Variants in TMEM150C observed in about 807,000 individuals in gnomAD.
The protein encoded by TMEM150C is transmembrane protein 150C, also known as tentonin 3.
In TMEM150C, 10 loss-of-function variants were observed where a neutral mutation model predicts 29.9. The observed-to-expected ratio is 0.33, with a 90% CI of 0.21 to 0.57. The LOEUF is 0.57. Among genes scored for constraint, TMEM150C ranks in the 20% least tolerant of loss-of-function variants. The pLI is 0.88. For missense variants in TMEM150C, 251 were observed against 303.6 expected, an observed-to-expected ratio of 0.83 and a Z score of 1.29; for synonymous variants, 101 against 112.5, an observed-to-expected ratio of 0.90 and a Z score of 0.64.
intron 6 of TMEM150C, chr4:82,491,493 T>C: frequency 1.5e-6 from 1 of 679,400 alleles, no homozygotes; most frequent in East Asian, 2.5e-5. Context: ...GAGGTCACTT[T>C]TGGGCTGGAT....
intron 1 of TMEM150C, among the ~76,000 whole-genome samples, chr4:82,558,774 A>C (rs886650334): frequency 6.6e-6 from 1 of 152,230 alleles, no homozygotes; most frequent in Non-Finnish European, 1.5e-5. Context: ...AGGAGTAAAA[A>C]TTTATAGTTA....
At chr4:82,492,487 T>C (rs1024326551) in intron 6 of TMEM150C, among the ~76,000 whole-genome samples, 1 of 152,084 alleles carries the variant, frequency 6.6e-6, no homozygotes, top group Non-Finnish European at 1.5e-5. Flanking sequence ...TAAGAAAAAC[T>C]GTCACCTATG....
At chr4:82,551,213 C>T (rs1241330266) in intron 1 of TMEM150C, among the ~76,000 whole-genome samples, 1 of 152,112 alleles carries the variant, frequency 6.6e-6, no homozygotes, top group African/African-American at 2.4e-5. Context: ...ACTTGTAGTT[C>T]TTAGAAAACA....
At chr4:82,519,495 G>A (rs906120706) in intron 1 of TMEM150C, among the ~76,000 whole-genome samples, 4 of 151,560 alleles carry the variant, frequency 2.6e-5, no homozygotes, top group Non-Finnish European at 5.9e-5. Flanking sequence ...CCAAGATCTC[G>A]GCTCACTGCA....
Position 82,504,306 on chromosome 4 carries a change from C to G in TMEM150C, c.80+272G>C, listed in dbSNP as rs539454553. Among the ~76,000 whole-genome samples the G allele has an allele frequency of 2.0e-5, 3 of 152,250 alleles. No homozygotes were observed. In the South Asian group the frequency reaches 6.2e-4, roughly 32 times the overall value. On this transcript the variant is annotated intron_variant, in intron 2 of 7. Transcript: ENST00000449862. Reference sequence around the variant, plus strand: ...GCAACCTCTGCCTCCAGGGTTCAAGCGATTCTTGTGCCTCAGCCCCCCGAG... The same window carrying G: ...GCAACCTCTGCCTCCAGGGTTCAAGGGATTCTTGTGCCTCAGCCCCCCGAG...
chr4:82,485,709 G>C lies in TMEM150C; in HGVS notation c.552C>G (p.Leu184=). The C allele has an allele frequency of 6.2e-7, 1 of 1,605,870 alleles. No homozygotes were observed. The highest frequency in any genetic ancestry group is 8.5e-7 in the Non-Finnish European group (1 of 1,176,540). The part of the protein sequence containing the change: ...ITLCVVLYFI[L]MAQSIHMYAA... ...CATACATGTGGATGCTTTGGGCCAT[G>C]AGGATGAAGTCTGGGGAGAAGCAGT... is the stretch of plus-strand genomic sequence containing the variant. Residue 184 remains leucine, a synonymous_variant, in exon 8 of 8, where the codon CTC becomes CTG. Coordinates refer to ENST00000449862, the MANE Select transcript of TMEM150C (RefSeq NM_001080506.3).
At chr4:82,534,213 T>A (rs1412744541) in intron 1 of TMEM150C, among the ~76,000 whole-genome samples, 1 of 152,210 alleles carries the variant, frequency 6.6e-6, no homozygotes, top group Non-Finnish European at 1.5e-5. Flanking sequence ...CTTCGGACAA[T>A]GTGAACAGCT....
chr4:82,491,935 TGTTTTTTTTTTTG>T (rs1283743350), intron 6 of TMEM150C, among the ~76,000 whole-genome samples: 1 of 139,492 alleles, frequency 7.2e-6, no homozygotes, highest in Non-Finnish European at 1.5e-5. Flanking sequence ...GACTAATTCT[TGTTTTTTTTTTTG>T]GTTTTTTTTT....
chr4:82,525,752 A>C (rs1238775590), intron 1 of TMEM150C, among the ~76,000 whole-genome samples: 2 of 152,164 alleles, frequency 1.3e-5, no homozygotes, highest in Non-Finnish European at 1.5e-5. Context: ...CCATATGATC[A>C]CATGCACACA....
chr4:82,527,811 C>G (rs1724703518), intron 1 of TMEM150C, among the ~76,000 whole-genome samples: 1 of 152,104 alleles, frequency 6.6e-6, no homozygotes, highest in Non-Finnish European at 1.5e-5. Flanking sequence ...CTCTTTGAAC[C>G]CTGACACAGA....
chr4:82,557,117 C>G (rs886983220), intron 1 of TMEM150C, among the ~76,000 whole-genome samples: 2 of 152,164 alleles, frequency 1.3e-5, no homozygotes, highest in Non-Finnish European at 2.9e-5. Flanking sequence ...CAACATGTCC[C>G]TCTCCATGAT....
At chr4:82,539,795 AG>A (rs1202112742) in intron 1 of TMEM150C, among the ~76,000 whole-genome samples, 2 of 152,182 alleles carry the variant, frequency 1.3e-5, no homozygotes, top group Admixed American at 6.5e-5. Flanking sequence ...CATCTACAAT[AG>A]CAACAAAACC....
intron 6 of TMEM150C, among the ~76,000 whole-genome samples, chr4:82,492,929 C>T (rs1045726275): frequency 1.6e-5 from 2 of 128,614 alleles, no homozygotes; most frequent in Admixed American, 8.5e-5. Context: ...GCTTTGTTGC[C>T]CAGGCTAGAG....
intron 1 of TMEM150C, among the ~76,000 whole-genome samples, chr4:82,504,938 G>A (rs897073467): frequency 6.6e-6 from 1 of 152,162 alleles, no homozygotes; most frequent in African/African-American, 2.4e-5. Context: ...GCTGAGGCAG[G>A]AGAATGGCGT....
At chr4:82,494,888 T>C in intron 6 of TMEM150C, 1 of 535,552 alleles carries the variant, frequency 1.9e-6, no homozygotes. Context: ...GAGAGGAAAG[T>C]CTGCGTCTCT....
chr4:82,491,347 T>C, intron 6 of TMEM150C: 1 of 648,572 alleles, frequency 1.5e-6, no homozygotes. Context: ...AGCAGCTGAG[T>C]AGCTGCTTGG....
intron 1 of TMEM150C, among the ~76,000 whole-genome samples, chr4:82,505,211 A>C (rs1462102861): frequency 1.3e-5 from 2 of 152,100 alleles, no homozygotes; most frequent in Non-Finnish European, 2.9e-5. Context: ...TAGAAATTTT[A>C]TTTTTAAATT....
At chr4:82,525,821 C>A (rs572950855) in intron 1 of TMEM150C, among the ~76,000 whole-genome samples, 1 of 152,144 alleles carries the variant, frequency 6.6e-6, no homozygotes, top group Non-Finnish European at 1.5e-5. Flanking sequence ...ACCGTCCTTG[C>A]CCAAGGCCTG....
intron 1 of TMEM150C, among the ~76,000 whole-genome samples, chr4:82,545,616 A>G (rs1215847912): frequency 1.3e-5 from 2 of 152,234 alleles, no homozygotes; most frequent in Non-Finnish European, 2.9e-5. Flanking sequence ...TGTGGGTGGT[A>G]TGAATCTATA....
Sources: gnomAD v4.1 joint callset for allele counts (sites outside exome capture counted in the v4.1 genomes callset) on GRCh38, gnomAD v4.1.1 for gene constraint, MANE v1.5 for transcripts, NCBI Gene and HGNC (gene_info 2026-07-23, HGNC 2026-07-21) for gene names.